The following STK10 variants were observed in gnomAD, a reference collection of about 807,000 sequenced individuals.
STK10 encodes the protein serine/threonine-protein kinase 10.
A neutral mutation model predicts 113.8 loss-of-function variants in STK10; 78 were observed. That is an observed-to-expected ratio of 0.69 (90% CI 0.57 to 0.83). STK10 has a LOEUF of 0.83. Among genes scored for constraint, STK10 ranks in the 40% least tolerant of loss-of-function variants. The pLI is 0.00. For synonymous variants in STK10, 465 were observed against 494.7 expected (o/e 0.94, Z 0.80); for missense variants, 1,109 against 1,280.1 (o/e 0.87, Z 2.04).
chr5:172,105,628 G>A (rs1769083593), intron 7 of STK10, 28 bp downstream of exon 7: 2 of 1,610,740 alleles, frequency 1.2e-6, no homozygotes, highest in African/African-American at 1.3e-5. Flanking sequence ...ACCCTTCAGG[G>A]AGCAGAGTGG....
intron 10 of STK10, among the ~76,000 whole-genome samples, chr5:172,083,559 T>C (rs947018784): frequency 6.6e-6 from 1 of 152,188 alleles, no homozygotes; most frequent in Non-Finnish European, 1.5e-5. Flanking sequence ...CATAGTAGTT[T>C]CCACTTCTGG....
At position 172,093,687 on chromosome 5, in the gene STK10, C is replaced by G; in HGVS notation, c.1279G>C (p.Glu427Gln). The change falls in exon 9 of 19, where the codon GAG becomes CAG. Residue 427 changes from glutamate (E) to glutamine (Q), a missense_variant. Coordinates refer to ENST00000176763, the MANE Select transcript of STK10 (RefSeq NM_005990.4). This position sits in a 1 kb window ranked among gnomAD's most constrained non-coding sequence, Gnocchi z 4.1. ...CCACCCTGCTCAGCAACTTGCTTCT[C>G]CTGGGCTACCTGAATTCTGGCATCC... ...SMDARIQVAQEKQVAEQGGDL... is the reference protein window; with the variant it reads ...SMDARIQVAQQKQVAEQGGDL... 1.2e-6 allele frequency: 2 copies of G among 1,614,226 alleles called. No homozygotes were observed. Among genetic ancestry groups the G allele is most frequent in the East Asian group, 2.2e-5 (1 of 44,884 alleles).
chr5:172,066,654 GGC>G (rs1768077456), intron 12 of STK10, among the ~76,000 whole-genome samples: 1 of 152,188 alleles, frequency 6.6e-6, no homozygotes, highest in Non-Finnish European at 1.5e-5. Flanking sequence ...CGGGTGTGGT[GGC>G]ACATGCCAGT....
At chr5:172,086,790 T>C (rs1012406449) in intron 10 of STK10, among the ~76,000 whole-genome samples, 1 of 151,976 alleles carries the variant, frequency 6.6e-6, no homozygotes, top group Admixed American at 6.6e-5. Context: ...AGCGAGAAAA[T>C]CCCGGTTCCT....
intron 7 of STK10, among the ~76,000 whole-genome samples, chr5:172,102,232 G>A (rs996768556): frequency 2.0e-5 from 3 of 152,142 alleles, no homozygotes; most frequent in Admixed American, 6.5e-5. Flanking sequence ...GTCTAGGCAC[G>A]TACCGAATGC....
intron 2 of STK10, among the ~76,000 whole-genome samples, chr5:172,144,776 C>T (rs1420817221): frequency 6.6e-6 from 1 of 152,090 alleles, no homozygotes; most frequent in African/African-American, 2.4e-5. Flanking sequence ...TAAGCGTGTA[C>T]GTGCCATGGG....
At chr5:172,128,240 A>G (rs894129915) in intron 2 of STK10, among the ~76,000 whole-genome samples, 3 of 150,522 alleles carry the variant, frequency 2.0e-5, no homozygotes, top group East Asian at 1.9e-4. Context: ...AAAAAAAAAA[A>G]AAAAAGAAAG....
chr5:172,177,246 A>G (rs531577089), intron 1 of STK10, among the ~76,000 whole-genome samples: 1 of 152,180 alleles, frequency 6.6e-6, no homozygotes, highest in South Asian at 2.1e-4. Context: ...CACAGCGAGA[A>G]GGCACCATCT....
intron 4 of STK10, among the ~76,000 whole-genome samples, chr5:172,110,228 C>G (rs866303611): frequency 6.6e-6 from 1 of 152,118 alleles, no homozygotes; most frequent in Admixed American, 6.5e-5. Flanking sequence ...AAGACAGGAC[C>G]GGGGCTACTC....
intron 15 of STK10, 95 bp from the exon 16 acceptor site, chr5:172,055,871 C>A: frequency 9.0e-7 from 1 of 1,105,910 alleles, no homozygotes. Context: ...CTCAGGGGCC[C>A]AGGACCAACG....
intron 14 of STK10, among the ~76,000 whole-genome samples, chr5:172,060,071 G>C (rs914872175): frequency 6.6e-6 from 1 of 152,168 alleles, no homozygotes; most frequent in Non-Finnish European, 1.5e-5. Flanking sequence ...TAGGTCATGA[G>C]GGTGGAGCCC....
At position 172,125,860 on chromosome 5, in the gene STK10, A is replaced by T. The variant is rs73802400; in HGVS notation, c.370+1513T>A. Among the ~76,000 whole-genome samples, 1,386 of 152,270 alleles carry T rather than the reference A, an allele frequency of 9.1e-3. 19 individuals are homozygous for T. The highest frequency in any genetic ancestry group is 0.031 in the African/African-American group (1,292 of 41,532). Reference sequence around the variant, plus strand: ...ATATAAGTAAATATCAAGAATTTTAAAAAAAATTTTAGCATTATATTTTTG... The same window carrying T: ...ATATAAGTAAATATCAAGAATTTTATAAAAAATTTTAGCATTATATTTTTG... On this transcript the variant is annotated intron_variant, in intron 3 of 18. Transcript: ENST00000176763.
At chr5:172,057,321 C>T (rs1466039683) in intron 15 of STK10, 28 bp downstream of exon 15, 43 of 1,575,056 alleles carry the variant, frequency 2.7e-5, no homozygotes, top group Non-Finnish European at 3.5e-5. Context: ...GGCAGCAGAT[C>T]CGAGCCCCGT....
At chr5:172,091,935 T>A (rs1768719671) in intron 9 of STK10, among the ~76,000 whole-genome samples, 2 of 152,170 alleles carry the variant, frequency 1.3e-5, no homozygotes, top group Admixed American at 1.3e-4. Context: ...CTTGACCCCT[T>A]GAAATCTATG....
At position 172,117,695 on chromosome 5, in the gene STK10, G is replaced by C. The variant is rs1203948292; in HGVS notation, c.371-65C>G. The C allele has an allele frequency of 5.0e-6, 8 of 1,592,158 alleles. No individual in the cohort carries two copies. In the South Asian group the frequency reaches 9.0e-5, roughly 18 times the overall value. ...TGGACACAGGAAACTGAAATGTCAG[G>C]CCCACGCCAGGGAGAAATATAAAAG... On this transcript the variant is annotated intron_variant, in intron 3 of 18. Coordinates refer to ENST00000176763, the MANE Select transcript of STK10 (RefSeq NM_005990.4).
chr5:172,088,064 T>G (rs1444198634), intron 10 of STK10, among the ~76,000 whole-genome samples: 1 of 152,160 alleles, frequency 6.6e-6, no homozygotes, highest in Non-Finnish European at 1.5e-5. Flanking sequence ...TAGCTGGGAC[T>G]ACAGGTATGT....
At chr5:172,096,707 C>G in intron 7 of STK10, 147 bp from the exon 8 acceptor site, 1 of 1,101,084 alleles carries the variant, frequency 9.1e-7, no homozygotes. Flanking sequence ...CAGAGACAGC[C>G]TGGAAAGTCC....
In STK10 at chr5:172,093,268, T is replaced by C; in HGVS notation, c.1554+144A>G. On this transcript the variant is annotated intron_variant, in intron 9 of 18. Coordinates refer to ENST00000176763, the MANE Select transcript of STK10 (RefSeq NM_005990.4). This position sits in a 1 kb window ranked among gnomAD's most constrained non-coding sequence, Gnocchi z 4.1. ...ATATTGAACCCAGATATTTTGGAGA[T>C]TAAACTATGAGTCAAACCCAAAACC... 2 of 825,696 alleles carry C rather than the reference T, an allele frequency of 2.4e-6. No homozygotes were observed. The highest frequency in any genetic ancestry group is 2.0e-5 in the South Asian group (1 of 49,868). 51.1% of individuals were successfully genotyped at this position (825,696 alleles called of 1,614,324 possible). A position where few individuals can be genotyped will look rare whatever the true frequency, so the allele number is the denominator to read the frequency against.
chr5:172,116,662 A>G (rs1581164591), intron 4 of STK10, among the ~76,000 whole-genome samples: 1 of 146,232 alleles, frequency 6.8e-6, no homozygotes, highest in East Asian at 2.2e-4. Context: ...GTGGTCAGGA[A>G]CTCGAGACCA....
Sources: allele counts gnomAD v4.1 joint callset (sites outside exome capture counted in the v4.1 genomes callset), GRCh38; gene constraint gnomAD v4.1.1; non-coding constraint Gnocchi (gnomAD v3.1); transcripts MANE v1.5; gene names NCBI Gene and HGNC (gene_info 2026-07-23, HGNC 2026-07-21).